Variants in OPCML observed in about 807,000 individuals in gnomAD.
OPCML encodes opioid binding protein/cell adhesion molecule like, also known as opioid-binding protein/cell adhesion molecule.
Under a neutral mutation model 37.8 loss-of-function variants are expected in OPCML, and 13 were observed. The observed-to-expected ratio is 0.34, with a 90% CI of 0.22 to 0.55. OPCML has a LOEUF of 0.55. Ranked by LOEUF, OPCML falls within the 20% of genes least tolerant of loss-of-function variation. The pLI is 0.91. For synonymous variants in OPCML, 176 were observed against 168.8 expected, an observed-to-expected ratio of 1.04 and a Z score of -0.33; for missense variants, 341 against 435.6, an observed-to-expected ratio of 0.78 and a Z score of 1.93.
chr11:132,479,663 C>T (rs929568483), intron 4 of OPCML, among the ~76,000 whole-genome samples: 31 of 152,266 alleles, frequency 2.0e-4, no homozygotes, highest in African/African-American at 6.0e-4. Context: ...TCTCCCAGTA[C>T]GCAGCTGGAG....
intron 2 of OPCML, among the ~76,000 whole-genome samples, chr11:132,778,338 C>G (rs996819268): frequency 6.6e-6 from 1 of 152,236 alleles, no homozygotes; most frequent in African/African-American, 2.4e-5. Context: ...CCACCTTCTA[C>G]TTTACACCTC....
At chr11:133,052,914 C>T (rs1376542545) in intron 1 of OPCML, among the ~76,000 whole-genome samples, 2 of 152,194 alleles carry the variant, frequency 1.3e-5, no homozygotes, top group African/African-American at 4.8e-5. Context: ...TCCAGTTATT[C>T]TGAAGTCAGT....
chr11:133,454,577 C>A (rs1044458813), intron 1 of OPCML, among the ~76,000 whole-genome samples: 1 of 152,152 alleles, frequency 6.6e-6, no homozygotes, highest in Non-Finnish European at 1.5e-5. Context: ...CAAGTATTTT[C>A]TGATCTATGC....
At chr11:132,448,690 C>T (rs539401503) in intron 4 of OPCML, among the ~76,000 whole-genome samples, 22 of 152,318 alleles carry the variant, frequency 1.4e-4, no homozygotes, top group South Asian at 1.2e-3. Context: ...GCTAGCCTCC[C>T]TTCTTAGCCT....
At chr11:132,455,984 G>A (rs1312692094) in intron 4 of OPCML, among the ~76,000 whole-genome samples, 2 of 152,046 alleles carry the variant, frequency 1.3e-5, no homozygotes, top group African/African-American at 2.4e-5. Flanking sequence ...AAATTTTATC[G>A]AGTTGCAAAA....
intron 1 of OPCML, among the ~76,000 whole-genome samples, chr11:133,435,359 C>T (rs961749188): frequency 2.6e-5 from 4 of 152,016 alleles, no homozygotes; most frequent in African/African-American, 9.7e-5. Flanking sequence ...CCATAGTAGG[C>T]CCACATTTGT....
intron 1 of OPCML, among the ~76,000 whole-genome samples, chr11:133,402,606 G>A (rs920767111): frequency 6.6e-6 from 1 of 152,104 alleles, no homozygotes; most frequent in Non-Finnish European, 1.5e-5. Flanking sequence ...TCATAAACAT[G>A]TACCTTTCCT....
intron 3 of OPCML, among the ~76,000 whole-genome samples, chr11:132,580,998 C>T (rs970398575): frequency 3.3e-5 from 5 of 151,994 alleles, no homozygotes; most frequent in Admixed American, 6.6e-5. Flanking sequence ...CTGTCCAGAC[C>T]ACGTCTTATG....
chr11:133,168,984 G>T (rs982751789), intron 1 of OPCML, among the ~76,000 whole-genome samples: 11 of 152,190 alleles, frequency 7.2e-5, no homozygotes, highest in Non-Finnish European at 1.0e-4. Context: ...CAAAAAGCTA[G>T]CTGGGTGTGG....
At chr11:132,887,001 A>G (rs750109442) in intron 2 of OPCML, among the ~76,000 whole-genome samples, 40 of 152,190 alleles carry the variant, frequency 2.6e-4, no homozygotes, top group Non-Finnish European at 5.1e-4. Context: ...TTTATCATTA[A>G]AAAGAGTAGA....
At chr11:132,778,398 C>G (rs150108901) in intron 2 of OPCML, among the ~76,000 whole-genome samples, 1 of 152,058 alleles carries the variant, frequency 6.6e-6, no homozygotes, top group Admixed American at 6.5e-5. Context: ...GCAGTTGGTA[C>G]GATACTAAGA....
chr11:133,414,025 C>T, intron 1 of OPCML, among the ~76,000 whole-genome samples: 1 of 152,146 alleles, frequency 6.6e-6, no homozygotes, highest in Non-Finnish European at 1.5e-5. Context: ...TGTGTGTGTG[C>T]TTAGAGCCAG....
rs182339806 is a variant in OPCML at position 133,212,193 on chromosome 11, A to C, written c.62-269183T>G. Among the ~76,000 whole-genome samples the C allele has an allele frequency of 1.4e-4, 22 of 152,246 alleles. 1 individual carries two copies. The East Asian group carries it at 4.3e-3, about 29-fold the overall frequency. On this transcript the variant is annotated intron_variant, in intron 1 of 7. Transcript: ENST00000524381. This position sits in a 1 kb window ranked among gnomAD's most constrained non-coding sequence, Gnocchi z 4.9. ...CATCATAATGACCAATCAATCAACC[A>C]AACCAGCAAGGACAACAACAAAAGC...
chr11:132,503,800 A>G (rs1341442139), intron 4 of OPCML, among the ~76,000 whole-genome samples: 1 of 152,128 alleles, frequency 6.6e-6, no homozygotes, highest in African/African-American at 2.4e-5. Flanking sequence ...ATGAAGGAAT[A>G]CATAAAGAAA....
chr11:132,638,616 C>A (rs560446255), intron 3 of OPCML, among the ~76,000 whole-genome samples: 45 of 152,224 alleles, frequency 3.0e-4, no homozygotes, highest in African/African-American at 8.4e-4. Context: ...TATTGTGGAA[C>A]CTCTGATTGG....
At chr11:133,385,428 G>A (rs547587896) in intron 1 of OPCML, among the ~76,000 whole-genome samples, 5 of 152,266 alleles carry the variant, frequency 3.3e-5, no homozygotes, top group South Asian at 2.1e-4. Context: ...GTGGCTCTGC[G>A]TTTTGCCTGT....
At chr11:133,292,181 C>G (rs994373817) in intron 1 of OPCML, among the ~76,000 whole-genome samples, 1 of 152,070 alleles carries the variant, frequency 6.6e-6, no homozygotes. Flanking sequence ...CATTAAAACA[C>G]CAGAACACTT....
intron 1 of OPCML, among the ~76,000 whole-genome samples, chr11:133,332,125 C>A (rs537776753): frequency 6.6e-6 from 1 of 152,150 alleles, no homozygotes; most frequent in Non-Finnish European, 1.5e-5. Flanking sequence ...TTGTAATTCT[C>A]ATTGTAGAGA....
At position 132,619,593 on chromosome 11, in the gene OPCML, A is replaced by G. The variant is rs546456002; in HGVS notation, c.379+37494T>C. ...GGTGGCTCATGCCTGTAATCCCAGC[A>G]CTTTGGGAGGCCGAGGCAGACGGAT... On this transcript the variant is annotated intron_variant, in intron 3 of 7. Transcript: ENST00000524381. Among the ~76,000 whole-genome samples, 10 of 151,810 alleles carry G rather than the reference A, an allele frequency of 6.6e-5. No homozygotes were observed. In the East Asian group the frequency reaches 1.6e-3, roughly 24 times the overall value.
Sources: allele counts gnomAD v4.1 joint callset (sites outside exome capture counted in the v4.1 genomes callset), GRCh38; gene constraint gnomAD v4.1.1; non-coding constraint Gnocchi (gnomAD v3.1); transcripts MANE v1.5; gene names NCBI Gene and HGNC (gene_info 2026-07-23, HGNC 2026-07-21).